Variants in MYO3A observed in about 807,000 individuals in gnomAD.
MYO3A encodes myosin-IIIa.
Under a neutral mutation model 192.7 loss-of-function variants are expected in MYO3A, and 180 were observed. The ratio of observed to expected loss-of-function variants is 0.93; its 90% confidence interval spans 0.83 to 1.06. The LOEUF is 1.06. MYO3A is among the 50% of genes least tolerant of loss of function. The pLI is 0.00. For missense variants in MYO3A, 1,896 were observed against 1,905.0 expected (o/e 1.00, Z 0.09); for synonymous variants, 628 against 645.3 (o/e 0.97, Z 0.41).
chr10:26,052,060 T>G (rs901271464), intron 10 of MYO3A, among the ~76,000 whole-genome samples: 1 of 152,196 alleles, frequency 6.6e-6, no homozygotes, highest in South Asian at 2.1e-4. Context: ...ATGCAAACTA[T>G]GTATAAAATC....
At chr10:26,017,149 T>G (rs922488637) in intron 7 of MYO3A, among the ~76,000 whole-genome samples, 3 of 152,170 alleles carry the variant, frequency 2.0e-5, no homozygotes, top group Non-Finnish European at 4.4e-5. Context: ...TACTTCCAGG[T>G]TTGATTTTTC....
Position 26,176,742 on chromosome 10 carries a change from A to G in MYO3A, c.4335A>G (p.Lys1445=), listed in dbSNP as rs34615182. 3,783 of 1,611,400 alleles carry G rather than the reference A, an allele frequency of 2.3e-3. 91 individuals are homozygous for G. In the African/African-American group the frequency reaches 0.045, roughly 19 times the overall value. Residue 1445 remains lysine, a synonymous_variant, in exon 31 of 35, where the codon AAA becomes AAG. Coordinates refer to ENST00000642920, the MANE Select transcript of MYO3A (RefSeq NM_017433.5). ...AAGAATATTTCATTCTGCAGAAAAA[A>G]TTGAATGAAATGATTTTGTCACAGC... ...LSEEYFILQK[K]LNEMILSQQL... is the part of the protein sequence containing the mutation.
intron 3 of MYO3A, among the ~76,000 whole-genome samples, chr10:25,954,328 C>A (rs74813428): frequency 2.0e-5 from 3 of 151,974 alleles, no homozygotes; most frequent in Non-Finnish European, 4.4e-5. Context: ...AGATAGCAAC[C>A]TGTTCTTCTT....
chr10:26,084,006 C>G (rs954779385), intron 14 of MYO3A, among the ~76,000 whole-genome samples: 1 of 152,080 alleles, frequency 6.6e-6, no homozygotes, highest in African/African-American at 2.4e-5. Flanking sequence ...CTAGATAGTT[C>G]GTAAGAATCT....
chr10:26,092,291 C>A (rs1836748372), intron 15 of MYO3A, among the ~76,000 whole-genome samples: 9 of 151,980 alleles, frequency 5.9e-5, no homozygotes. Flanking sequence ...ACGGTGAAAC[C>A]CCATCTCTAC....
At chr10:25,980,368 G>C (rs928474733) in intron 4 of MYO3A, among the ~76,000 whole-genome samples, 1 of 152,064 alleles carries the variant, frequency 6.6e-6, no homozygotes, top group African/African-American at 2.4e-5. Flanking sequence ...TTGAGAAAAA[G>C]CGGTCCTAGT....
intron 4 of MYO3A, among the ~76,000 whole-genome samples, chr10:25,987,492 A>G (rs1458438887): frequency 6.6e-6 from 1 of 152,240 alleles, no homozygotes; most frequent in African/African-American, 2.4e-5. Flanking sequence ...CAGGATCTAC[A>G]AAGAACTCAA....
chr10:26,021,534 C>A lies in MYO3A; in HGVS notation c.617C>A (p.Thr206Asn). The A allele has an allele frequency of 6.2e-7, 1 of 1,614,110 alleles. No individual in the cohort carries two copies. Among genetic ancestry groups the A allele is most frequent in the Non-Finnish European group, 8.5e-7 (1 of 1,179,962 alleles). The change falls in exon 8 of 35, where the codon ACT (threonine) becomes AAT (asparagine). Residue 206 changes from threonine to asparagine, a missense_variant. Thr to Asn is a moderately conservative substitution (Grantham distance 65, BLOSUM62 0). Coordinates refer to ENST00000642920, the MANE Select transcript of MYO3A (RefSeq NM_017433.5). ...VIACEQQLDT[T>N]YDARCDTWSL... ...GCATGTGAACAGCAATTGGATACCA[C>A]TTATGACGCCAGATGTGACACTTGG...
At chr10:25,953,102 G>C (rs77297869) in intron 3 of MYO3A, among the ~76,000 whole-genome samples, 6,540 of 151,852 alleles carry the variant, frequency 0.043, 182 homozygotes, top group Middle Eastern at 0.068. Flanking sequence ...GAAAGCAACT[G>C]CTCCAATTAA....
At position 26,173,851 on chromosome 10, in the gene MYO3A, AT is replaced by A. The variant is rs781097195; in HGVS notation, c.3588del (p.Tyr1196Ter). 1 of 1,614,052 alleles carries A rather than the reference AT, an allele frequency of 6.2e-7. No individual in the cohort carries two copies. The highest frequency in any genetic ancestry group is 8.5e-7 in the Non-Finnish European group (1 of 1,180,008). On this transcript the variant is annotated frameshift_variant, in exon 30 of 35. Coordinates refer to ENST00000642920, the MANE Select transcript of MYO3A (RefSeq NM_017433.5). LOFTEE classifies it high-confidence loss of function. Reference sequence around the variant, plus strand: ...ACTCCAAAAAAAATGAATAATGTGTATGAGGAAGAGGTTAAGCAAGAATTCT... The same window carrying A: ...ACTCCAAAAAAAATGAATAATGTGTAGAGGAAGAGGTTAAGCAAGAATTCT... ...YQTPKKMNNVYEEEVKQEFYL... is the reference protein window; with the variant it reads ...YQTPKKMNNVXEEEVKQEFYL...
intron 2 of MYO3A, among the ~76,000 whole-genome samples, chr10:25,949,442 G>A (rs1017983194): frequency 5.3e-5 from 8 of 152,126 alleles, no homozygotes; most frequent in African/African-American, 1.4e-4. Flanking sequence ...TTGGTCTAAC[G>A]TTTATGTTAT....
intron 10 of MYO3A, among the ~76,000 whole-genome samples, chr10:26,030,562 GCT>G (rs900530231): frequency 2.2e-3 from 328 of 152,272 alleles, no homozygotes; most frequent in African/African-American, 7.7e-3. Context: ...TTAAACAAAA[GCT>G]GTCTTCTTGA....
chr10:26,125,346 A>C (rs1839152383), intron 18 of MYO3A, 52 bp from the exon 19 acceptor site: 1 of 1,528,788 alleles, frequency 6.5e-7, no homozygotes, highest in Admixed American at 1.7e-5. Context: ...ATTTTTGGGG[A>C]GTGACCTCAT....
At chr10:26,127,475 C>G (rs1266069788) in intron 19 of MYO3A, among the ~76,000 whole-genome samples, 3 of 152,154 alleles carry the variant, frequency 2.0e-5, no homozygotes, top group African/African-American at 7.2e-5. Context: ...ACTCAAATAG[C>G]TTTCCTTTTG....
intron 6 of MYO3A, among the ~76,000 whole-genome samples, chr10:26,012,947 A>T (rs1225317703): frequency 1.3e-5 from 2 of 152,206 alleles, no homozygotes; most frequent in Non-Finnish European, 2.9e-5. Context: ...ATGGAACAGA[A>T]TAGAGAACCC....
chr10:25,960,557 T>C (rs1363860900), intron 4 of MYO3A, among the ~76,000 whole-genome samples: 1 of 152,178 alleles, frequency 6.6e-6, no homozygotes, highest in Non-Finnish European at 1.5e-5. Flanking sequence ...ATGTATTATA[T>C]ACTGTATTCT....
intron 22 of MYO3A, among the ~76,000 whole-genome samples, chr10:26,145,828 T>A (rs183136413): frequency 7.2e-5 from 11 of 152,248 alleles, no homozygotes; most frequent in African/African-American, 2.6e-4. Flanking sequence ...AGTTTATAGT[T>A]TTTCTAGAGG....
intron 2 of MYO3A, among the ~76,000 whole-genome samples, chr10:25,951,041 A>G (rs1203726857): frequency 6.6e-6 from 1 of 152,188 alleles, no homozygotes; most frequent in Non-Finnish European, 1.5e-5. Flanking sequence ...TCCTTTATAA[A>G]GTCACTTGAT....
chr10:26,147,336 A>T, intron 22 of MYO3A, 94 bp from the exon 23 acceptor site: 1 of 1,300,232 alleles, frequency 7.7e-7, no homozygotes, highest in Non-Finnish European at 1.1e-6. Flanking sequence ...GAGTAAGCTC[A>T]TAATGAGTAT....
Sources: gnomAD v4.1 joint callset for allele counts (sites outside exome capture counted in the v4.1 genomes callset) on GRCh38, gnomAD v4.1.1 for gene constraint, MANE v1.5 for transcripts, NCBI Gene and HGNC (gene_info 2026-07-23, HGNC 2026-07-21) for gene names.